The following ZNF503 variants were observed in gnomAD, a reference collection of about 807,000 sequenced individuals.
ZNF503 encodes the protein zinc finger protein 503.
In ZNF503, 15 loss-of-function variants were observed where a neutral mutation model predicts 34.4. The observed-to-expected ratio is 0.44, with a 90% CI of 0.29 to 0.67. The LOEUF (loss-of-function observed/expected upper bound fraction) is 0.67, where lower values mean the gene tolerates loss of function less well. Ranked by LOEUF, ZNF503 falls within the 30% of genes least tolerant of loss-of-function variation. The probability of loss-of-function intolerance (pLI) is 0.13; values close to 1 mark genes in which losing one functional copy is unlikely to be tolerated. For synonymous variants in ZNF503, 580 were observed against 456.8 expected (o/e 1.27, Z -3.44); for missense variants, 1,007 against 926.8 (o/e 1.09, Z -1.12).
chr10:75,398,584 G>T lies in ZNF503; in HGVS notation c.*165C>A. ...GAAGGGGAGTGTCCCACCGGGTCTC[G>T]GTCGCTGCTGTCGGGTAGATAGATA... is the stretch of plus-strand genomic sequence containing the variant. On this transcript the variant is annotated 3_prime_UTR_variant, in exon 2 of 2. Coordinates refer to ENST00000372524, the MANE Select transcript of ZNF503 (RefSeq NM_032772.6). 1.9e-6 allele frequency: 1 copy of T among 536,142 alleles called. No individual in the cohort carries two copies. Among genetic ancestry groups the T allele is most frequent in the Non-Finnish European group, 2.8e-6 (1 of 352,310 alleles). 33.2% of individuals were successfully genotyped at this position (536,142 alleles called of 1,614,324 possible). A position where few individuals can be genotyped will look rare whatever the true frequency, so the allele number is the denominator to read the frequency against.
At chr10:75,303,860 G>T in the ZNF503 span, among the ~76,000 whole-genome samples, 1,262 of 148,812 alleles carry the variant, frequency 8.5e-3, 22 homozygotes, top group African/African-American at 0.03. Flanking sequence ...TTGAGACAGG[G>T]TCTTGCTCTG....
chr10:75,382,590 T>G, the ZNF503 span: 3 of 431,474 alleles, frequency 7.0e-6, no homozygotes, highest in East Asian at 2.4e-4. Flanking sequence ...TTTTCTTGTT[T>G]AGGATCACAT....
the ZNF503 span, among the ~76,000 whole-genome samples, chr10:75,324,361 C>G: frequency 6.6e-6 from 1 of 151,064 alleles, no homozygotes. Context: ...CGCTCTATCA[C>G]CCAGGCAACC....
chr10:75,359,847 G>T, the ZNF503 span, among the ~76,000 whole-genome samples: 5 of 152,232 alleles, frequency 3.3e-5, no homozygotes, highest in Admixed American at 2.6e-4. Context: ...TAACCCTCTT[G>T]TCTTCACCTG....
At chr10:75,369,586 C>T in the ZNF503 span, among the ~76,000 whole-genome samples, 1 of 152,364 alleles carries the variant, frequency 6.6e-6, no homozygotes, top group South Asian at 2.1e-4. Flanking sequence ...AATTAAATCT[C>T]TTTCCTTTAC....
chr10:75,331,184 G>C, the ZNF503 span, among the ~76,000 whole-genome samples: 4 of 152,146 alleles, frequency 2.6e-5, no homozygotes, highest in Non-Finnish European at 5.9e-5. Flanking sequence ...GATTTCAATT[G>C]TTTTACATTT....
chr10:75,291,215 A>G, the ZNF503 span, among the ~76,000 whole-genome samples: 1 of 152,208 alleles, frequency 6.6e-6, no homozygotes, highest in Admixed American at 6.5e-5. Flanking sequence ...CTGACTGCTC[A>G]TCACCTTTGC....
the ZNF503 span, among the ~76,000 whole-genome samples, chr10:75,370,059 AAAAT>A: frequency 0.01 from 1,447 of 142,760 alleles, 17 homozygotes; most frequent in African/African-American, 0.027. Flanking sequence ...ACTACATGTC[AAAAT>A]AAATAAATAA....
rs373556114 is a variant in ZNF503, at chr10:75,398,842, G to A, written c.1848C>T (p.Pro616=). The A allele has an allele frequency of 6.1e-4, 915 of 1,501,766 alleles. 3 individuals carry two copies. Among genetic ancestry groups the A allele is most frequent in the Non-Finnish European group, 7.5e-4 (853 of 1,131,362 alleles). The allele number at this position is 1,501,766 out of a possible 1,614,324, so 93.0% of individuals were successfully genotyped here. Residue 616 remains proline (P), a synonymous_variant, in exon 2 of 2, where the codon CCC becomes CCT. Coordinates refer to ENST00000372524, the MANE Select transcript of ZNF503 (RefSeq NM_032772.6). Reference sequence around the variant, plus strand: ...GTCCGGTGGCGGCGGGCACCGGCACGGGGGCGCCAGGCGTGGGAAGCGGGC... The same window carrying A: ...GTCCGGTGGCGGCGGGCACCGGCACAGGGGCGCCAGGCGTGGGAAGCGGGC... ...SKSPLPTPGA[P]VPVPAATGPY... is the part of the protein sequence containing the mutation.
chr10:75,327,681 TTCCATAATGGC>T, the ZNF503 span, among the ~76,000 whole-genome samples: 1 of 152,198 alleles, frequency 6.6e-6, no homozygotes, highest in African/African-American at 2.4e-5. Flanking sequence ...ACATACTGTT[TTCCATAATGGC>T]TGTCCTAATT....
Position 75,399,083 on chromosome 10 carries a change from A to G in ZNF503, c.1607T>C (p.Leu536Pro), listed in dbSNP as rs1843743558. The change falls in exon 2 of 2, where the codon CTG becomes CCG. Residue 536 changes from leucine (L) to proline (P), a missense_variant. Physicochemically the swap from Leu to Pro is moderately conservative, Grantham distance 98. Transcript: ENST00000372524. ...TGCCGTATGGGTCCGCAAGTGGCTC[A>G]GCAGCTCTTCGGACGTGGCGAAGCG... ...DKRFATSEEL[L>P]SHLRTHTAFP... 1 of 1,613,564 alleles carries G rather than the reference A, an allele frequency of 6.2e-7. No individual in the cohort carries two copies. The highest frequency in any genetic ancestry group is 1.7e-5 in the Admixed American group (1 of 59,998).
the ZNF503 span, among the ~76,000 whole-genome samples, chr10:75,366,092 A>G: frequency 6.6e-6 from 1 of 152,350 alleles, no homozygotes; most frequent in Admixed American, 6.5e-5. Context: ...TGACTGTGTC[A>G]CTACATAGTT....
the ZNF503 span, among the ~76,000 whole-genome samples, chr10:75,312,315 A>C: frequency 6.6e-6 from 1 of 152,222 alleles, no homozygotes; most frequent in Non-Finnish European, 1.5e-5. Context: ...ACAAAAATAC[A>C]ATAACTAAAA....
At chr10:75,297,702 A>G in the ZNF503 span, among the ~76,000 whole-genome samples, 1 of 152,214 alleles carries the variant, frequency 6.6e-6, no homozygotes, top group African/African-American at 2.4e-5. Context: ...TCCTAGGCCC[A>G]TGTCATTTAA....
At chr10:75,355,605 T>C in the ZNF503 span, among the ~76,000 whole-genome samples, 2 of 152,176 alleles carry the variant, frequency 1.3e-5, no homozygotes, top group South Asian at 2.1e-4. Flanking sequence ...TCTCCCCTGA[T>C]AACAGTGCTT....
At chr10:75,387,980 G>A in the ZNF503 span, among the ~76,000 whole-genome samples, 1 of 152,320 alleles carries the variant, frequency 6.6e-6, no homozygotes, top group East Asian at 1.9e-4. Context: ...TGTGGGAGGA[G>A]GGGTCCAGGA....
the ZNF503 span, among the ~76,000 whole-genome samples, chr10:75,291,865 G>A: frequency 2.0e-5 from 3 of 152,200 alleles, no homozygotes; most frequent in Non-Finnish European, 4.4e-5. Flanking sequence ...TAGAGGAGGG[G>A]TCAGCTGCAG....
At chr10:75,385,287 C>A in the ZNF503 span, among the ~76,000 whole-genome samples, 11 of 152,184 alleles carry the variant, frequency 7.2e-5, no homozygotes. Context: ...TTGGGATGGG[C>A]AAAGTGATAC....
the ZNF503 span, among the ~76,000 whole-genome samples, chr10:75,299,309 T>C: frequency 6.6e-6 from 1 of 152,314 alleles, no homozygotes; most frequent in Admixed American, 6.5e-5. Flanking sequence ...GTTTATTTTT[T>C]TGCATATGGA....
Sources: gnomAD v4.1 joint callset for allele counts (sites outside exome capture counted in the v4.1 genomes callset) on GRCh38, gnomAD v4.1.1 for gene constraint, MANE v1.5 for transcripts, NCBI Gene and HGNC (gene_info 2026-07-23, HGNC 2026-07-21) for gene names.